The following CRIM1 variants were observed in gnomAD, a reference collection of about 807,000 sequenced individuals.
CRIM1 encodes cysteine-rich motor neuron 1 protein.
Under a neutral mutation model 116.4 loss-of-function variants are expected in CRIM1, and 32 were observed. The observed-to-expected ratio is 0.27, with a 90% CI of 0.21 to 0.37. The LOEUF is 0.37. CRIM1 is among the 10% of genes least tolerant of loss of function. The pLI is 1.00. For missense variants in CRIM1, 1,331 were observed against 1,354.8 expected (o/e 0.98, Z 0.28); for synonymous variants, 590 against 509.2 (o/e 1.16, Z -2.13).
chr2:36,452,327 C>T (rs1179714434), intron 4 of CRIM1, among the ~76,000 whole-genome samples: 1 of 152,136 alleles, frequency 6.6e-6, no homozygotes, highest in Non-Finnish European at 1.5e-5. Flanking sequence ...AGCATTCTCT[C>T]TGTTTTTAAA....
Position 36,441,490 on chromosome 2 carries a change from G to C in CRIM1, c.738G>C (p.Glu246Asp). The C allele has an allele frequency of 6.2e-7, 1 of 1,610,616 alleles. No individual in the cohort carries two copies. The highest frequency in any genetic ancestry group is 8.5e-7 in the Non-Finnish European group (1 of 1,179,986). ...GKPGECCDLY[E>D]CKPVFGVDCR... ...CGGGAGAGTGCTGTGACCTCTATGA[G>C]TGCAAACCAGGTATGCACGAGCTCT... The change falls in exon 3 of 17, where the codon GAG (glutamate) becomes GAC (aspartate). Residue 246 changes from glutamate (E) to aspartate (D), a missense_variant. Physicochemically the swap from Glu to Asp is conservative, Grantham distance 45. Around this residue, in one of 3 missense-constraint regions of CRIM1, gnomAD observed 690 missense variants for 676.0 expected, o/e 1.02. Coordinates refer to ENST00000280527, the MANE Select transcript of CRIM1 (RefSeq NM_016441.3).
At chr2:36,468,761 C>G (rs568611721) in intron 5 of CRIM1, among the ~76,000 whole-genome samples, 1 of 152,178 alleles carries the variant, frequency 6.6e-6, no homozygotes, top group Non-Finnish European at 1.5e-5. Context: ...GTACCCCCTG[C>G]TGTCTTACAC....
At chr2:36,426,368 A>T (rs767338684) in intron 2 of CRIM1, among the ~76,000 whole-genome samples, 26 of 152,174 alleles carry the variant, frequency 1.7e-4, no homozygotes, top group Non-Finnish European at 3.2e-4. Flanking sequence ...GTCATTTGAG[A>T]TGTCTCAAGT....
intron 7 of CRIM1, among the ~76,000 whole-genome samples, chr2:36,494,583 T>TGTA (rs1680453325): frequency 6.6e-6 from 1 of 152,112 alleles, no homozygotes; most frequent in Non-Finnish European, 1.5e-5. Flanking sequence ...TTCTGGACAG[T>TGTA]GTAAGGTGCT....
intron 1 of CRIM1, among the ~76,000 whole-genome samples, chr2:36,392,505 G>A (rs927833421): frequency 4.6e-5 from 7 of 151,868 alleles, no homozygotes; most frequent in African/African-American, 1.7e-4. Context: ...TAGAGAATCA[G>A]AACCTTGATT....
At chr2:36,523,864 C>G (rs79211086) in intron 13 of CRIM1, among the ~76,000 whole-genome samples, 1 of 152,124 alleles carries the variant, frequency 6.6e-6, no homozygotes, top group Non-Finnish European at 1.5e-5. Flanking sequence ...GACTTCTGGC[C>G]ACTAGACAGG....
At chr2:36,432,406 C>T (rs542222693) in intron 2 of CRIM1, among the ~76,000 whole-genome samples, 1 of 151,986 alleles carries the variant, frequency 6.6e-6, no homozygotes, top group Non-Finnish European at 1.5e-5. Context: ...GCAATTTTTT[C>T]TGGGAGTAGG....
At chr2:36,478,451 C>T (rs1679156506) in intron 6 of CRIM1, among the ~76,000 whole-genome samples, 1 of 152,156 alleles carries the variant, frequency 6.6e-6, no homozygotes, top group South Asian at 2.1e-4. Flanking sequence ...TGTCTCACTT[C>T]CTGGAATTCA....
chr2:36,387,199 CTG>C (rs568881157), intron 1 of CRIM1, among the ~76,000 whole-genome samples: 237 of 152,342 alleles, frequency 1.6e-3, no homozygotes, highest in African/African-American at 5.4e-3. Context: ...GGATAAAACA[CTG>C]TGAACCAGGT....
chr2:36,479,546 G>C lies in CRIM1; in HGVS notation c.1224G>C (p.Leu408=). The change falls in exon 7 of 17, where the codon CTG becomes CTC. Residue 408 remains leucine (L), a synonymous_variant. Coordinates refer to ENST00000280527, the MANE Select transcript of CRIM1 (RefSeq NM_016441.3). ...CCGCTGGCTGCTATGCCAATGGCCT[G>C]ATCCTTGCCCACGGAGACCGGTGGC... is the stretch of plus-strand genomic sequence containing the variant. ...NNPAGCYANG[L]ILAHGDRWRE... is the part of the protein sequence containing the mutation. 1 of 1,614,216 alleles carries C rather than the reference G, an allele frequency of 6.2e-7. No homozygotes were observed. The highest frequency in any genetic ancestry group is 8.5e-7 in the Non-Finnish European group (1 of 1,180,030).
chr2:36,531,624 GTCT>G (rs980133644), intron 13 of CRIM1, among the ~76,000 whole-genome samples: 1 of 152,172 alleles, frequency 6.6e-6, no homozygotes, highest in African/African-American at 2.4e-5. Flanking sequence ...AGCCTGTTAA[GTCT>G]TCTTTTCTTA....
intron 2 of CRIM1, among the ~76,000 whole-genome samples, chr2:36,431,686 G>A (rs1674905252): frequency 6.6e-6 from 1 of 152,286 alleles, no homozygotes; most frequent in African/African-American, 2.4e-5. Flanking sequence ...TTCAGCAAGC[G>A]TTTGTCGGTC....
chr2:36,528,604 G>A (rs1665913333), intron 13 of CRIM1, among the ~76,000 whole-genome samples: 1 of 152,202 alleles, frequency 6.6e-6, no homozygotes, highest in Admixed American at 6.5e-5. Context: ...CACCCTCATA[G>A]GGAGATGTAT....
chr2:36,525,129 C>A (rs1263017272), intron 13 of CRIM1, among the ~76,000 whole-genome samples: 1 of 152,120 alleles, frequency 6.6e-6, no homozygotes, highest in Non-Finnish European at 1.5e-5. Context: ...GAACTGTAAC[C>A]GTGTACCTTA....
intron 1 of CRIM1, among the ~76,000 whole-genome samples, chr2:36,362,554 A>T (rs1050028635): frequency 6.6e-6 from 1 of 152,194 alleles, no homozygotes; most frequent in Non-Finnish European, 1.5e-5. Context: ...AAGCGTGGGC[A>T]GTAAACTGGG....
intron 7 of CRIM1, among the ~76,000 whole-genome samples, chr2:36,486,690 T>C (rs1289625876): frequency 6.6e-6 from 1 of 151,994 alleles, no homozygotes; most frequent in African/African-American, 2.4e-5. Context: ...TTGCTGGGAG[T>C]CTCATAATTT....
chr2:36,405,102 A>T (rs1558546612), intron 2 of CRIM1, among the ~76,000 whole-genome samples: 1 of 152,226 alleles, frequency 6.6e-6, no homozygotes, highest in Non-Finnish European at 1.5e-5. Flanking sequence ...GTCAGTAAAC[A>T]AATCTTTAGT....
At chr2:36,403,006 T>C (rs1432302839) in intron 2 of CRIM1, among the ~76,000 whole-genome samples, 1 of 152,122 alleles carries the variant, frequency 6.6e-6, no homozygotes, top group Non-Finnish European at 1.5e-5. Flanking sequence ...CAAAGAGATA[T>C]CCCTGAGAAA....
At chr2:36,501,623 A>T (rs1159608882) in intron 8 of CRIM1, among the ~76,000 whole-genome samples, 4 of 152,152 alleles carry the variant, frequency 2.6e-5, no homozygotes, top group Admixed American at 2.6e-4. Context: ...TCAAGAGTCT[A>T]AGGTGGGGCG....
Sources: gnomAD v4.1 joint callset for allele counts (sites outside exome capture counted in the v4.1 genomes callset) on GRCh38, gnomAD v4.1.1 for gene constraint, gnomAD v4.1.1 regional missense constraint, MANE v1.5 for transcripts, NCBI Gene and HGNC (gene_info 2026-07-23, HGNC 2026-07-21) for gene names.